Variants in GTPBP10 observed in about 807,000 individuals in gnomAD.
GTPBP10 encodes the protein GTP-binding protein 10.
GTPBP10 carries 38 observed loss-of-function variants against 44.8 expected under a neutral mutation model. The observed-to-expected ratio is 0.85, with a 90% CI of 0.65 to 1.11. GTPBP10 has a LOEUF of 1.11. Ranked by LOEUF, GTPBP10 falls within the 50% of genes most tolerant of loss-of-function variation. The pLI is 0.00. For missense variants in GTPBP10, 462 were observed against 453.7 expected, an observed-to-expected ratio of 1.02 and a Z score of -0.17; for synonymous variants, 152 against 150.6, an observed-to-expected ratio of 1.01 and a Z score of -0.07.
chr7:90,349,806 G>T (rs17864946), intron 1 of GTPBP10, among the ~76,000 whole-genome samples: 1 of 152,030 alleles, frequency 6.6e-6, no homozygotes, highest in Admixed American at 6.6e-5. Flanking sequence ...ATATTCTTTC[G>T]TCTCAGTGAT....
intron 4 of GTPBP10, among the ~76,000 whole-genome samples, chr7:90,365,758 C>A (rs187519381): frequency 3.2e-4 from 49 of 152,342 alleles, no homozygotes; most frequent in African/African-American, 1.2e-3. Context: ...CCCTTTATTT[C>A]TCTCTCTTGC....
intron 8 of GTPBP10, among the ~76,000 whole-genome samples, chr7:90,380,957 C>T (rs760025505): frequency 2.0e-5 from 3 of 152,028 alleles, no homozygotes; most frequent in Admixed American, 6.6e-5. Flanking sequence ...TTGTTATAAA[C>T]GACAAGATTT....
chr7:90,383,223 TGTAACATAATAATTACCAAATTCTA>T (rs1796462934), intron 9 of GTPBP10, 144 bp downstream of exon 9: 3 of 479,650 alleles, frequency 6.3e-6, no homozygotes, highest in Non-Finnish European at 1.0e-5. Flanking sequence ...TAAATAACAT[TGTAACATAATAATTACCAAATTCTA>T]GAATGTTTGA....
At chr7:90,353,207 CCGTT>C (rs1481017983) in intron 2 of GTPBP10, 198 bp downstream of exon 2, 14 of 440,998 alleles carry the variant, frequency 3.2e-5, no homozygotes, top group Admixed American at 7.8e-5. Flanking sequence ...AACTTTCTGT[CCGTT>C]TCTTTTCCCA....
At chr7:90,356,968 A>C (rs529434901) in intron 4 of GTPBP10, among the ~76,000 whole-genome samples, 176 of 152,304 alleles carry the variant, frequency 1.2e-3, no homozygotes, top group Non-Finnish European at 2.1e-3. Flanking sequence ...AAAGATTTTT[A>C]AGTGGAATGT....
chr7:90,367,089 G>T (rs998458905), intron 4 of GTPBP10, among the ~76,000 whole-genome samples: 1 of 152,172 alleles, frequency 6.6e-6, no homozygotes, highest in African/African-American at 2.4e-5. Context: ...CCATGTAGTT[G>T]TGTGGTTTTG....
chr7:90,366,868 A>T (rs1796145243), intron 4 of GTPBP10, among the ~76,000 whole-genome samples: 1 of 151,752 alleles, frequency 6.6e-6, no homozygotes, highest in Admixed American at 6.6e-5. Context: ...AGTTCTTTTT[A>T]TTGTGATGTT....
At position 90,384,925 on chromosome 7, in the gene GTPBP10, C is replaced by G; in HGVS notation, c.935C>G (p.Pro312Arg). 1.2e-6 allele frequency: 2 copies of G among 1,602,812 alleles called. No individual in the cohort carries two copies. Among genetic ancestry groups the G allele is most frequent in the Non-Finnish European group, 1.7e-6 (2 of 1,175,444 alleles). The stretch of plus-strand genomic sequence containing the variant: ...CATTTATTTGAAAAAAACATGATTC[C>G]AGAGAGGACTGTAGAGTTCCAACAT... Reference protein sequence around the residue: ...FLHLFEKNMIPERTVEFQHII... With the variant: ...FLHLFEKNMIRERTVEFQHII... The change falls in exon 10 of 10, where the codon CCA (proline) becomes CGA (arginine). Residue 312 changes from proline (P) to arginine (R), a missense_variant. Coordinates refer to ENST00000222511, the MANE Select transcript of GTPBP10 (RefSeq NM_033107.4).
chr7:90,349,345 T>G (rs1314586787), intron 1 of GTPBP10, among the ~76,000 whole-genome samples: 2 of 152,166 alleles, frequency 1.3e-5, no homozygotes, highest in Non-Finnish European at 2.9e-5. Flanking sequence ...TAGAGGCTGA[T>G]TTACAGACAT....
Position 90,387,579 on chromosome 7 carries a change from C to A in GTPBP10, c.*2425C>A, listed in dbSNP as rs1219483761. 6.6e-6 allele frequency: 1 copy of A among 152,106 alleles called. No individual in the cohort carries two copies. The highest frequency in any genetic ancestry group is 2.4e-5 in the African/African-American group (1 of 41,420). 9.4% of individuals were successfully genotyped at this position (152,106 alleles called of 1,614,324 possible). A position where few individuals can be genotyped will look rare whatever the true frequency, so the allele number is the denominator to read the frequency against. On this transcript the variant is annotated 3_prime_UTR_variant, in exon 10 of 10. Coordinates refer to ENST00000222511, the MANE Select transcript of GTPBP10 (RefSeq NM_033107.4). ...TTTTATTTTCTGTTCCTCACTCCTA[C>A]CTCTCATTCCAGTCCCCAAACTGGC...
chr7:90,383,037 G>GAT lies in GTPBP10; in HGVS notation c.861_862dup (p.Lys288IlefsTer6). On this transcript the variant is annotated frameshift_variant, in exon 9 of 10. Coordinates refer to ENST00000222511, the MANE Select transcript of GTPBP10 (RefSeq NM_033107.4). LOFTEE classifies it high-confidence loss of function. ...TAAAATGGACTTGCCAGATGCCCAAGATAAGTTCCATGAATTGATGAGCCA... is the reference window on the plus strand; with the variant it reads ...TAAAATGGACTTGCCAGATGCCCAAGATATAAGTTCCATGAATTGATGAGCCA... 5 of 1,595,210 alleles carry GAT rather than the reference G, an allele frequency of 3.1e-6. No individual in the cohort carries two copies. The highest frequency in any genetic ancestry group is 4.3e-6 in the Non-Finnish European group (5 of 1,168,292).
At chr7:90,367,409 G>C (rs931998387) in intron 4 of GTPBP10, among the ~76,000 whole-genome samples, 7 of 152,116 alleles carry the variant, frequency 4.6e-5, no homozygotes, top group African/African-American at 9.7e-5. Flanking sequence ...TATTGTGTGG[G>C]AGTCTAAGTC....
rs745342455 is a variant in GTPBP10, at chr7:90,378,186, T to C, written c.752T>C (p.Phe251Ser). ...TCTCACACTCAATACAGGACAGCTT[T>C]TGAAACCATAATACTGCTTACAAAA... The part of the protein sequence containing the change: ...LSSHTQYRTA[F>S]ETIILLTKEL... Residue 251 changes from phenylalanine to serine, a missense_variant, in exon 8 of 10, where the codon TTT (phenylalanine) becomes TCT (serine). Phe to Ser is a radical substitution (Grantham distance 155). Transcript: ENST00000222511. 4 of 1,613,216 alleles carry C rather than the reference T, an allele frequency of 2.5e-6. No homozygotes were observed. Among genetic ancestry groups the C allele is most frequent in the East Asian group, 2.2e-5 (1 of 44,742 alleles).
At chr7:90,355,955 C>G (rs543537314) in intron 4 of GTPBP10, among the ~76,000 whole-genome samples, 2 of 151,662 alleles carry the variant, frequency 1.3e-5, no homozygotes, top group African/African-American at 2.4e-5. Context: ...TCTCTCTCCC[C>G]CATCCCCCCT....
At chr7:90,379,093 CTT>C (rs543615519) in intron 8 of GTPBP10, among the ~76,000 whole-genome samples, 3 of 152,264 alleles carry the variant, frequency 2.0e-5, no homozygotes, top group East Asian at 3.9e-4. Flanking sequence ...TAAAAGTAAA[CTT>C]TTAAAAAACT....
intron 4 of GTPBP10, among the ~76,000 whole-genome samples, chr7:90,360,642 G>C (rs944837221): frequency 6.6e-6 from 1 of 152,030 alleles, no homozygotes; most frequent in Non-Finnish European, 1.5e-5. Context: ...GTTTCCATAC[G>C]AACTTTAAAG....
intron 4 of GTPBP10, among the ~76,000 whole-genome samples, chr7:90,358,101 T>G (rs1469616603): frequency 6.6e-6 from 1 of 152,118 alleles, no homozygotes; most frequent in African/African-American, 2.4e-5. Flanking sequence ...GGTTACAAAA[T>G]CAGTATACAC....
intron 4 of GTPBP10, chr7:90,371,270 C>A: frequency 1.7e-6 from 1 of 586,582 alleles, no homozygotes; most frequent in Non-Finnish European, 2.1e-6. Flanking sequence ...AAATTGTAGA[C>A]AACCTGAAAG....
chr7:90,380,823 C>T (rs980182247), intron 8 of GTPBP10, among the ~76,000 whole-genome samples: 3 of 152,190 alleles, frequency 2.0e-5, no homozygotes, highest in Non-Finnish European at 4.4e-5. Context: ...CTGGCAACCA[C>T]CATTTTCTCT....
Sources: allele counts gnomAD v4.1 joint callset (sites outside exome capture counted in the v4.1 genomes callset), GRCh38; gene constraint gnomAD v4.1.1; transcripts MANE v1.5; gene names NCBI Gene and HGNC (gene_info 2026-07-23, HGNC 2026-07-21).